The following SGPL1 variants were observed in gnomAD, a reference collection of about 807,000 sequenced individuals.
SGPL1 encodes the protein sphingosine-1-phosphate lyase 1.
In SGPL1, 37 loss-of-function variants were observed where a neutral mutation model predicts 68.9. That is an observed-to-expected ratio of 0.54 (90% CI 0.41 to 0.71). SGPL1 has a LOEUF of 0.71. SGPL1 is among the 30% of genes least tolerant of loss of function. The pLI, the probability that SGPL1 is intolerant of heterozygous loss-of-function variation, is 0.00. For missense variants in SGPL1, 551 were observed against 704.6 expected, an observed-to-expected ratio of 0.78 and a Z score of 2.47; for synonymous variants, 236 against 248.5, an observed-to-expected ratio of 0.95 and a Z score of 0.47.
chr10:70,852,399 T>G (rs1015835067), intron 4 of SGPL1, among the ~76,000 whole-genome samples: 1 of 152,126 alleles, frequency 6.6e-6, no homozygotes, highest in Non-Finnish European at 1.5e-5. Flanking sequence ...CTCTCCAAAT[T>G]ATATTAATCC....
At position 70,851,156 on chromosome 10, in the gene SGPL1, G is replaced by T; in HGVS notation, c.207G>T (p.Arg69Ser). 1 of 1,613,644 alleles carries T rather than the reference G, an allele frequency of 6.2e-7. No individual in the cohort carries two copies. The highest frequency in any genetic ancestry group is 1.1e-5 in the South Asian group (1 of 91,066). ...FVFQPESLWS[R>S]FKKKCFKLTR... Reference sequence around the variant, plus strand: ...TGTTTCTTTTAGGTTTATGGTCAAGGTTTAAAAAGAAATGTTTTAAGCTCA... The same window carrying T: ...TGTTTCTTTTAGGTTTATGGTCAAGTTTTAAAAAGAAATGTTTTAAGCTCA... Residue 69 changes from arginine to serine, a missense_variant, in exon 4 of 15, where the codon AGG becomes AGT. By Grantham distance (110) the Arg-to-Ser change is moderately radical. Transcript: ENST00000373202.
chr10:70,859,465 C>T lies in SGPL1; in HGVS notation c.581C>T (p.Ser194Phe). Residue 194 changes from serine to phenylalanine, a missense_variant, in exon 7 of 15, where the codon TCC (serine) becomes TTC (phenylalanine). Ser to Phe is a radical substitution (Grantham distance 155). Coordinates refer to ENST00000373202, the MANE Select transcript of SGPL1 (RefSeq NM_003901.4). ...IEAEIVRIAC[S>F]LFNGGPDSCG... ...GCAGAAATCGTGAGGATAGCTTGTT[C>T]CCTGTTCAATGGGGGACCAGATTCG... 2 of 1,554,418 alleles carry T rather than the reference C, an allele frequency of 1.3e-6. No homozygotes were observed. Among genetic ancestry groups the T allele is most frequent in the East Asian group, 2.4e-5 (1 of 40,970 alleles).
chr10:70,856,862 G>A (rs1403742427), intron 5 of SGPL1, among the ~76,000 whole-genome samples: 2 of 152,184 alleles, frequency 1.3e-5, no homozygotes, highest in Non-Finnish European at 2.9e-5. Flanking sequence ...AAATTTGTGG[G>A]TAAAATGAAG....
rs1232525728 is a variant in SGPL1, at chr10:70,881,090, G to A, written c.*3755G>A. On this transcript the variant is annotated 3_prime_UTR_variant, in exon 15 of 15. Transcript: ENST00000373202. ...CTTATTTTCTTTTATGCTTTCCTCT[G>A]TCTTGTAATCTTTTCTCTTCTTAAT... is the stretch of plus-strand genomic sequence containing the variant. 6.6e-6 allele frequency: 1 copy of A among 151,630 alleles called. No individual in the cohort carries two copies. Among genetic ancestry groups the A allele is most frequent in the African/African-American group, 2.4e-5 (1 of 41,204 alleles). The allele number at this position is 151,630 out of a possible 1,614,324, so 9.4% of individuals were successfully genotyped here.
chr10:70,852,624 T>C (rs1260579360), intron 4 of SGPL1, among the ~76,000 whole-genome samples: 1 of 152,204 alleles, frequency 6.6e-6, no homozygotes, highest in Non-Finnish European at 1.5e-5. Flanking sequence ...GGAAGATCCT[T>C]AGCTTGCCAA....
intron 3 of SGPL1, among the ~76,000 whole-genome samples, chr10:70,847,101 A>G (rs1479087877): frequency 1.3e-5 from 2 of 152,118 alleles, no homozygotes; most frequent in African/African-American, 2.4e-5. Flanking sequence ...TATGCCATCT[A>G]AATCCTTGTG....
intron 2 of SGPL1, among the ~76,000 whole-genome samples, chr10:70,825,718 T>C (rs558955950): frequency 3.9e-5 from 6 of 152,238 alleles, no homozygotes; most frequent in African/African-American, 1.4e-4. Flanking sequence ...CAGGAGTGAG[T>C]GCTACATACT....
chr10:70,868,495 A>C, intron 8 of SGPL1, 62 bp downstream of exon 8: 3 of 1,299,308 alleles, frequency 2.3e-6, no homozygotes, highest in Non-Finnish European at 3.4e-6. Context: ...CAGCTTTATG[A>C]AACTAAAGCA....
At position 70,843,429 on chromosome 10, in the gene SGPL1, G is replaced by A. The variant is rs553395520; in HGVS notation, c.28-1044G>A. 3.3e-5 allele frequency among the ~76,000 whole-genome samples: 5 copies of A among 152,330 alleles called. No homozygotes were observed. The East Asian group carries it at 9.6e-4, about 29-fold the overall frequency. The stretch of plus-strand genomic sequence containing the variant: ...GTGAATGAATAGTAAACTATAAAAT[G>A]ACCTTAGTTTGTACAGGGCATTGTA... On this transcript the variant is annotated intron_variant, in intron 2 of 14. Coordinates refer to ENST00000373202, the MANE Select transcript of SGPL1 (RefSeq NM_003901.4).
chr10:70,848,863 A>G (rs1407940688), intron 3 of SGPL1, among the ~76,000 whole-genome samples: 9 of 152,050 alleles, frequency 5.9e-5, no homozygotes, highest in Non-Finnish European at 1.3e-4. Context: ...TGATCTCTTG[A>G]ACTTATTGCT....
At chr10:70,859,913 C>G (rs1286241897) in intron 7 of SGPL1, among the ~76,000 whole-genome samples, 1 of 152,138 alleles carries the variant, frequency 6.6e-6, no homozygotes, top group Non-Finnish European at 1.5e-5. Flanking sequence ...CCGCTTCTTC[C>G]CTCATCCCCC....
chr10:70,877,581 G>T lies in SGPL1; in HGVS notation c.*246G>T. On this transcript the variant is annotated 3_prime_UTR_variant, in exon 15 of 15. Coordinates refer to ENST00000373202, the MANE Select transcript of SGPL1 (RefSeq NM_003901.4). ...TGCCCTTGTTATAAATGTTACCCTA[G>T]GAATTGTTTTAACCATTTCCTTTTC... 1 of 448,274 alleles carries T rather than the reference G, an allele frequency of 2.2e-6. No individual in the cohort carries two copies. The highest frequency in any genetic ancestry group is 4.0e-6 in the Non-Finnish European group (1 of 249,040). The allele number at this position is 448,274 out of a possible 1,614,324, so 27.8% of individuals were successfully genotyped here.
chr10:70,854,689 G>A lies in SGPL1; in HGVS notation c.262-19G>A. On this transcript the variant is annotated intron_variant, in intron 4 of 14. Transcript: ENST00000373202. ...TGTACTCTTGCATCTGGATAACTTT[G>A]TCTTTCTTACCTTTGGAGATTCAAG... 6.3e-7 allele frequency: 1 copy of A among 1,597,044 alleles called. No homozygotes were observed. Among genetic ancestry groups the A allele is most frequent in the Non-Finnish European group, 8.5e-7 (1 of 1,172,994 alleles).
chr10:70,861,964 C>A (rs866889993), intron 7 of SGPL1, among the ~76,000 whole-genome samples: 1 of 152,234 alleles, frequency 6.6e-6, no homozygotes, highest in Non-Finnish European at 1.5e-5. Context: ...GCCTCCTTGA[C>A]GAGCGCCACT....
At chr10:70,851,234 T>A in intron 4 of SGPL1, 24 bp downstream of exon 4, 1 of 1,549,824 alleles carries the variant, frequency 6.5e-7, no homozygotes, top group Non-Finnish European at 8.9e-7. Flanking sequence ...GTGTATGTCA[T>A]TTTTTCCCCT....
chr10:70,829,169 T>C (rs760798837), intron 2 of SGPL1, among the ~76,000 whole-genome samples: 4 of 152,186 alleles, frequency 2.6e-5, no homozygotes, highest in African/African-American at 4.8e-5. Flanking sequence ...AGGTTTACGA[T>C]CTGTAAAGAT....
At chr10:70,830,267 G>T (rs77777950) in intron 2 of SGPL1, among the ~76,000 whole-genome samples, 2 of 152,022 alleles carry the variant, frequency 1.3e-5, no homozygotes, top group African/African-American at 4.8e-5. Context: ...CCATCCCCAC[G>T]ATCAATTTTA....
chr10:70,860,992 A>G (rs1214605587), intron 7 of SGPL1, among the ~76,000 whole-genome samples: 2 of 150,778 alleles, frequency 1.3e-5, no homozygotes, highest in Non-Finnish European at 2.9e-5. Flanking sequence ...GTCCATTTAC[A>G]TGACCCAAGT....
intron 7 of SGPL1, among the ~76,000 whole-genome samples, chr10:70,867,832 C>A (rs1361819535): frequency 6.6e-6 from 1 of 152,182 alleles, no homozygotes; most frequent in Non-Finnish European, 1.5e-5. Flanking sequence ...AGGCAACAAA[C>A]TTCCATCAAG....
Sources: gnomAD v4.1 joint callset for allele counts (sites outside exome capture counted in the v4.1 genomes callset) on GRCh38, gnomAD v4.1.1 for gene constraint, MANE v1.5 for transcripts, NCBI Gene and HGNC (gene_info 2026-07-23, HGNC 2026-07-21) for gene names.